The following MMP26 variants were observed in gnomAD, a reference collection of about 807,000 sequenced individuals.
The protein encoded by MMP26 is matrix metalloproteinase-26.
MMP26 carries 33 observed loss-of-function variants against 31.0 expected under a neutral mutation model. The ratio of observed to expected loss-of-function variants is 1.06; its 90% CI spans 0.81 to 1.42. The LOEUF (loss-of-function observed/expected upper bound fraction) is 1.42. Ranked by LOEUF, MMP26 falls within the 40% of genes most tolerant of loss-of-function variation. MMP26 has a pLI of 0.00. For missense variants in MMP26, 347 were observed against 316.1 expected (o/e 1.10, Z -0.74); for synonymous variants, 122 against 114.9 (o/e 1.06, Z -0.40).
At chr11:4,770,039 T>G in intron 2 of MMP26, 1 of 622,092 alleles carries the variant, frequency 1.6e-6, no homozygotes, top group Non-Finnish European at 2.9e-6. Flanking sequence ...TCCAAGGTCA[T>G]AGATAAGATC....
chr11:4,849,029 C>T (rs955135002), intron 2 of MMP26: 1 of 1,614,070 alleles, frequency 6.2e-7, no homozygotes, highest in Non-Finnish European at 8.5e-7. Flanking sequence ...GCAGGGCGGG[C>T]TGCAGGGCAA....
intron 2 of MMP26, among the ~76,000 whole-genome samples, chr11:4,906,499 T>G (rs1564804109): frequency 6.6e-6 from 1 of 152,234 alleles, no homozygotes; most frequent in Non-Finnish European, 1.5e-5. Context: ...TATTTACTCA[T>G]GTATAAAATG....
chr11:4,963,273 T>G (rs1009977739), intron 2 of MMP26, among the ~76,000 whole-genome samples: 1 of 152,146 alleles, frequency 6.6e-6, no homozygotes, highest in African/African-American at 2.4e-5. Context: ...TGCTCATGGA[T>G]AGGAAGAACC....
chr11:4,900,141 T>C (rs1242029079), intron 2 of MMP26, among the ~76,000 whole-genome samples: 2 of 152,178 alleles, frequency 1.3e-5, no homozygotes, highest in Non-Finnish European at 2.9e-5. Context: ...TTGAGTGGTG[T>C]AGCCCATGAT....
intron 2 of MMP26, among the ~76,000 whole-genome samples, chr11:4,958,033 A>G (rs1378705912): frequency 6.6e-6 from 1 of 152,194 alleles, no homozygotes; most frequent in African/African-American, 2.4e-5. Flanking sequence ...CTCCAAGGCC[A>G]GAATTCACTC....
At chr11:4,829,617 G>C (rs955948893) in intron 2 of MMP26, among the ~76,000 whole-genome samples, 10 of 152,056 alleles carry the variant, frequency 6.6e-5, no homozygotes, top group African/African-American at 2.2e-4. Flanking sequence ...TTTTTGTTTT[G>C]TGAGATTAAG....
Position 4,991,426 on chromosome 11 carries a change from T to C in MMP26, c.525T>C (p.Phe175=). The part of the protein sequence containing the change: ...DGPGGILGHA[F]LPNSGNPGVV... ...CAGGTGGTATCTTAGGCCATGCCTT[T>C]TTACCAAATTCTGGAAATCCTGGAG... The change falls in exon 6 of 8, where the codon TTT becomes TTC. Residue 175 remains phenylalanine, a synonymous_variant. Coordinates refer to ENST00000380390, the MANE Select transcript of MMP26 (RefSeq NM_021801.5). 6.2e-7 allele frequency: 1 copy of C among 1,614,064 alleles called. No individual in the cohort carries two copies. Among genetic ancestry groups the C allele is most frequent in the Non-Finnish European group, 8.5e-7 (1 of 1,179,918 alleles).
At chr11:4,973,497 T>C (rs1846694226) in intron 2 of MMP26, 1 of 152,514 alleles carries the variant, frequency 6.6e-6, no homozygotes, top group African/African-American at 2.4e-5. Flanking sequence ...CTCAGGGGGT[T>C]GCAGATGGCA....
At chr11:4,956,108 A>T (rs1846439606) in intron 2 of MMP26, among the ~76,000 whole-genome samples, 1 of 152,160 alleles carries the variant, frequency 6.6e-6, no homozygotes, top group Non-Finnish European at 1.5e-5. Flanking sequence ...TGTGATCTTC[A>T]GTTCTATGTG....
chr11:4,747,786 G>A (rs1589889811), intron 1 of MMP26, among the ~76,000 whole-genome samples: 1 of 151,924 alleles, frequency 6.6e-6, no homozygotes, highest in Non-Finnish European at 1.5e-5. Context: ...AAAACCTCTG[G>A]CATACAGCAA....
chr11:4,946,158 G>A, intron 2 of MMP26: 13 of 1,613,086 alleles, frequency 8.1e-6, no homozygotes, highest in South Asian at 1.1e-5. Context: ...ACATATGACT[G>A]TTAAATCTTC....
chr11:4,861,318 A>G (rs1483964605), intron 2 of MMP26, among the ~76,000 whole-genome samples: 1 of 150,644 alleles, frequency 6.6e-6, no homozygotes, highest in African/African-American at 2.4e-5. Flanking sequence ...ATATGCTTCT[A>G]TAAATAGAAG....
At chr11:4,842,945 G>A (rs1014120011) in intron 2 of MMP26, among the ~76,000 whole-genome samples, 3 of 152,152 alleles carry the variant, frequency 2.0e-5, no homozygotes, top group Non-Finnish European at 2.9e-5. Flanking sequence ...AAACCAAGGG[G>A]CTACAGTTCC....
At chr11:4,935,685 C>CCAGTTTTCAAAGGGAATGCTTT (rs1414031216) in intron 2 of MMP26, among the ~76,000 whole-genome samples, 1 of 149,590 alleles carries the variant, frequency 6.7e-6, no homozygotes, top group African/African-American at 2.4e-5. Flanking sequence ...CCAGTTTTTG[C>CCAGTTTTCAAAGGGAATGCTTT]CCATTCAGTA....
chr11:4,893,046 C>T (rs987771135), intron 2 of MMP26, among the ~76,000 whole-genome samples: 8 of 151,972 alleles, frequency 5.3e-5, no homozygotes, highest in Non-Finnish European at 1.0e-4. Flanking sequence ...CTTCTTGATA[C>T]CTTGGGCTTT....
chr11:4,717,265 A>G (rs777196306), intron 1 of MMP26, among the ~76,000 whole-genome samples: 3 of 152,180 alleles, frequency 2.0e-5, no homozygotes, highest in Non-Finnish European at 4.4e-5. Flanking sequence ...CAGGTGCAAT[A>G]CTTGACTTGG....
At chr11:4,924,140 A>G in intron 2 of MMP26, 31 of 1,614,216 alleles carry the variant, frequency 1.9e-5, no homozygotes, top group Non-Finnish European at 2.6e-5. Context: ...GACAGCTAGC[A>G]TGCCCAAGAA....
intron 1 of MMP26, among the ~76,000 whole-genome samples, chr11:4,741,777 G>T (rs949302519): frequency 1.3e-5 from 2 of 151,680 alleles, no homozygotes; most frequent in Non-Finnish European, 2.9e-5. Context: ...AAGTAAAATA[G>T]AAATTAAAAC....
At chr11:4,821,379 A>G (rs373984546) in intron 2 of MMP26, 1 of 1,605,000 alleles carries the variant, frequency 6.2e-7, no homozygotes, top group Non-Finnish European at 8.5e-7. Flanking sequence ...ATTATGTGTT[A>G]TGTTAAATGA....
Sources: gnomAD v4.1 joint callset for allele counts (sites outside exome capture counted in the v4.1 genomes callset) on GRCh38, gnomAD v4.1.1 for gene constraint, MANE v1.5 for transcripts, NCBI Gene and HGNC (gene_info 2026-07-23, HGNC 2026-07-21) for gene names.